CNIH3: variants seen among roughly 807,000 people sequenced by gnomAD.
CNIH3 encodes the protein protein cornichon homolog 3.
CNIH3 carries 14 observed loss-of-function variants against 24.1 expected under a neutral mutation model. That is an observed-to-expected ratio of 0.58 (90% CI 0.38 to 0.91). The LOEUF (loss-of-function observed/expected upper bound fraction) is 0.91, where lower values mean the gene tolerates loss of function less well. Among genes scored for constraint, CNIH3 ranks in the 40% least tolerant of loss-of-function variants. The pLI, the probability that CNIH3 is intolerant of heterozygous loss-of-function variation, is 0.00. For missense variants in CNIH3, 178 were observed against 196.8 expected (o/e 0.90, Z 0.57); for synonymous variants, 68 against 73.8 (o/e 0.92, Z 0.40).
downstream of CNIH3, among the ~76,000 whole-genome samples, chr1:224,539,915 A>T (rs961443706): frequency 6.6e-6 from 1 of 152,130 alleles, no homozygotes; most frequent in Non-Finnish European, 1.5e-5. Context: ...TTCCCTCCAG[A>T]TTGTAAGCTC....
chr1:224,655,503 C>T (rs1489858592), intron 1 of CNIH3, among the ~76,000 whole-genome samples: 2 of 152,058 alleles, frequency 1.3e-5, no homozygotes, highest in Admixed American at 1.3e-4. Flanking sequence ...TAGTTAGACT[C>T]CTCGGTTTTC....
chr1:224,632,478 G>A (rs992117615), intron 1 of CNIH3, among the ~76,000 whole-genome samples: 1 of 152,118 alleles, frequency 6.6e-6, no homozygotes, highest in African/African-American at 2.4e-5. Context: ...TCATCAGCAT[G>A]CCTTTGGGTG....
chr1:224,686,878 G>A (rs756058065), intron 3 of CNIH3, among the ~76,000 whole-genome samples: 31 of 152,290 alleles, frequency 2.0e-4, no homozygotes, highest in Non-Finnish European at 2.9e-4. Context: ...TTTGCATATC[G>A]TTTGCATAAG....
intron 1 of CNIH3, among the ~76,000 whole-genome samples, chr1:224,642,723 A>G (rs1188610152): frequency 6.6e-6 from 1 of 152,068 alleles, no homozygotes; most frequent in Non-Finnish European, 1.5e-5. Flanking sequence ...ATTTTATTTT[A>G]TTTAAGAGAA....
intron 1 of CNIH3, among the ~76,000 whole-genome samples, chr1:224,509,106 C>G (rs969675247): frequency 2.0e-5 from 3 of 152,080 alleles, no homozygotes; most frequent in East Asian, 3.9e-4. Flanking sequence ...GTGGATCACT[C>G]GAGGTCAGGA....
chr1:224,461,307 T>C (rs959657075), intron 1 of CNIH3, among the ~76,000 whole-genome samples: 5 of 152,196 alleles, frequency 3.3e-5, no homozygotes, highest in Admixed American at 6.5e-5. Flanking sequence ...CTGGCCTCCA[T>C]TGTATATTTT....
chr1:224,568,921 G>A (rs970336150), intron 4 of CNIH3, among the ~76,000 whole-genome samples: 1 of 152,038 alleles, frequency 6.6e-6, no homozygotes, highest in African/African-American at 2.4e-5. Context: ...TGCCCAGGCT[G>A]AAGTACAATG....
At position 224,617,145 on chromosome 1, in the gene CNIH3, C is replaced by G. The variant is rs755819129; in HGVS notation, c.-30C>G. On this transcript the variant is annotated 5_prime_UTR_variant, in exon 1 of 6. Coordinates refer to ENST00000272133, the MANE Select transcript of CNIH3 (RefSeq NM_152495.2). ...CATCGGGCTCCTAGGGGCTTCTTGG[C>G]GTGTGTGGTGGGATTGGGGTCCGCC... is the stretch of plus-strand genomic sequence containing the variant. 1 of 1,611,536 alleles carries G rather than the reference C, an allele frequency of 6.2e-7. No homozygotes were observed. Among genetic ancestry groups the G allele is most frequent in the Non-Finnish European group, 8.5e-7 (1 of 1,178,806 alleles).
chr1:224,721,351 A>G (rs1688713829), intron 3 of CNIH3, among the ~76,000 whole-genome samples: 1 of 152,018 alleles, frequency 6.6e-6, no homozygotes. Flanking sequence ...TCTTTGCCTG[A>G]TCACTCCCTA....
chr1:224,627,253 G>A (rs1683581423), intron 1 of CNIH3, among the ~76,000 whole-genome samples: 1 of 152,082 alleles, frequency 6.6e-6, no homozygotes, highest in Admixed American at 6.5e-5. Flanking sequence ...TTGAGACGAG[G>A]TCTGGCTCTG....
At chr1:224,738,407 G>C (rs1029550653) in intron 5 of CNIH3, among the ~76,000 whole-genome samples, 3 of 152,164 alleles carry the variant, frequency 2.0e-5, no homozygotes, top group African/African-American at 7.2e-5. Flanking sequence ...TCTTGCTCCA[G>C]GTCTGACCAG....
At chr1:224,636,351 G>A (rs573920872) in intron 1 of CNIH3, among the ~76,000 whole-genome samples, 4 of 152,188 alleles carry the variant, frequency 2.6e-5, no homozygotes, top group East Asian at 1.9e-4. Flanking sequence ...TGGTTCTGTC[G>A]TCTCATTTGG....
chr1:224,515,490 A>G (rs561491642), upstream of CNIH3, among the ~76,000 whole-genome samples: 12 of 152,356 alleles, frequency 7.9e-5, no homozygotes, highest in African/African-American at 2.9e-4. Context: ...GCCATGTTTC[A>G]AAGACTCTTT....
intron 1 of CNIH3, among the ~76,000 whole-genome samples, chr1:224,618,942 C>T (rs1478040150): frequency 6.6e-6 from 1 of 152,212 alleles, no homozygotes; most frequent in East Asian, 1.9e-4. Context: ...CAGATTAGAT[C>T]ATGCCCAAGC....
intron 1 of CNIH3, among the ~76,000 whole-genome samples, chr1:224,637,475 A>T (rs562607169): frequency 1.4e-5 from 2 of 144,824 alleles, no homozygotes; most frequent in Admixed American, 1.5e-4. Flanking sequence ...TGATGTTCTG[A>T]GTTGGCGGGG....
intron 4 of CNIH3, among the ~76,000 whole-genome samples, chr1:224,577,305 G>A (rs1467579209): frequency 6.6e-6 from 1 of 152,024 alleles, no homozygotes; most frequent in Admixed American, 6.6e-5. Flanking sequence ...CACAAACTGT[G>A]CATCTGAGAA....
chr1:224,549,026 T>C (rs1679812752), intron 3 of CNIH3, among the ~76,000 whole-genome samples: 1 of 152,096 alleles, frequency 6.6e-6, no homozygotes, highest in Non-Finnish European at 1.5e-5. Flanking sequence ...TTATTCATAG[T>C]ATCCCATGGT....
At chr1:224,619,398 G>C (rs1057052624) in intron 1 of CNIH3, among the ~76,000 whole-genome samples, 1 of 152,188 alleles carries the variant, frequency 6.6e-6, no homozygotes, top group African/African-American at 2.4e-5. Context: ...CAGATTCCTC[G>C]TGGAAGTGGC....
chr1:224,694,756 G>T (rs575584998), intron 3 of CNIH3, among the ~76,000 whole-genome samples: 2 of 152,298 alleles, frequency 1.3e-5, no homozygotes, highest in South Asian at 4.1e-4. Flanking sequence ...GCCATGAAAT[G>T]GAATGAAATA....
Sources: allele counts gnomAD v4.1 joint callset (sites outside exome capture counted in the v4.1 genomes callset), GRCh38; gene constraint gnomAD v4.1.1; transcripts MANE v1.5; gene names NCBI Gene and HGNC (gene_info 2026-07-23, HGNC 2026-07-21).